MB: variants seen among roughly 807,000 people sequenced by gnomAD.
MB encodes nitrite reductase MB.
Under a neutral mutation model 14.5 loss-of-function variants are expected in MB, and 10 were observed. The observed-to-expected ratio is 0.69, with a 90% CI of 0.43 to 1.17. MB has a LOEUF of 1.17. Among genes scored for constraint, MB ranks in the 50% most tolerant of loss-of-function variants. The probability of loss-of-function intolerance (pLI) is 0.00; values close to 1 mark genes in which losing one functional copy is unlikely to be tolerated. For synonymous variants in MB, 89 were observed against 78.6 expected, an observed-to-expected ratio of 1.13 and a Z score of -0.70; for missense variants, 169 against 192.7, an observed-to-expected ratio of 0.88 and a Z score of 0.73.
chr22:35,622,662 G>T (rs1268195334), intron 1 of MB: 1 of 152,392 alleles, frequency 6.6e-6, no homozygotes, highest in Admixed American at 6.5e-5. Flanking sequence ...GGCTGGCAGG[G>T]ACACAACATC....
chr22:35,611,097 C>G lies in MB; in HGVS notation c.105G>C (p.Lys35Asn). The change falls in exon 2 of 3, where the codon AAG becomes AAC. Residue 35 changes from lysine to asparagine, a missense_variant. Coordinates refer to ENST00000397326, the MANE Select transcript of MB (RefSeq NM_005368.3). ...ACTTCTCCAGAGTCTCTGGGTGACC[C>G]TTAAAGAGCCTGTGGGCACAGGGAA... ...HGQEVLIRLFKGHPETLEKFD... is the reference protein window; with the variant it reads ...HGQEVLIRLFNGHPETLEKFD... The G allele has an allele frequency of 6.2e-7, 1 of 1,613,768 alleles. No homozygotes were observed. The highest frequency in any genetic ancestry group is 8.5e-7 in the Non-Finnish European group (1 of 1,179,816).
chr22:35,610,052 C>T (rs557108259), intron 2 of MB, among the ~76,000 whole-genome samples: 17 of 152,104 alleles, frequency 1.1e-4, no homozygotes, highest in Non-Finnish European at 2.5e-4. Context: ...TCACTGTGGC[C>T]CATCCCAGCG....
chr22:35,618,924 T>C (rs1601847863), upstream of MB, among the ~76,000 whole-genome samples: 8 of 108,424 alleles, frequency 7.4e-5, no homozygotes, highest in South Asian at 3.4e-4. Flanking sequence ...ATCTATCTGT[T>C]CCTCCATCCC....
rs1223393421 is a variant in MB at position 35,614,259 on chromosome 22, G to A, written c.95+2904C>T. On this transcript the variant is annotated intron_variant, in intron 1 of 2. Coordinates refer to ENST00000397326, the MANE Select transcript of MB (RefSeq NM_005368.3). ...GAGCGTGGGTGGCAGCCCGTCTTGC[G>A]TGTGGCAAGGTCATGGGGCAGTATA... Among the ~76,000 whole-genome samples the A allele has an allele frequency of 4.6e-5, 7 of 152,182 alleles. No homozygotes were observed. The South Asian group carries it at 8.3e-4, about 18-fold the overall frequency.
intron 1 of MB, among the ~76,000 whole-genome samples, chr22:35,614,821 C>T (rs1050284106): frequency 6.6e-6 from 1 of 152,176 alleles, no homozygotes. Context: ...TGGAGACTCT[C>T]AGGCCCAGTT....
upstream of MB, among the ~76,000 whole-genome samples, chr22:35,618,925 C>T (rs1923280635): frequency 6.6e-6 from 1 of 151,370 alleles, no homozygotes; most frequent in African/African-American, 2.4e-5. Flanking sequence ...TCTATCTGTT[C>T]CTCCATCCCT....
intron 1 of MB, among the ~76,000 whole-genome samples, chr22:35,615,187 CAG>C (rs1168649991): frequency 7.2e-5 from 11 of 152,192 alleles, no homozygotes; most frequent in Admixed American, 2.0e-4. Context: ...TTAGAAAATC[CAG>C]AGTCAGTATC....
chr22:35,610,230 C>T (rs1922499263), intron 2 of MB, among the ~76,000 whole-genome samples: 1 of 152,164 alleles, frequency 6.6e-6, no homozygotes, highest in African/African-American at 2.4e-5. Flanking sequence ...CAGGCTCCTG[C>T]CCCCAACCCT....
upstream of MB, chr22:35,617,541 G>T: frequency 2.4e-6 from 1 of 413,242 alleles, no homozygotes; most frequent in Non-Finnish European, 4.3e-6. Context: ...GCCACAGGGG[G>T]TGGGGTGGTT....
At chr22:35,612,467 A>C (rs1232502798) in intron 1 of MB, among the ~76,000 whole-genome samples, 1 of 151,986 alleles carries the variant, frequency 6.6e-6, no homozygotes, top group African/African-American at 2.4e-5. Context: ...GCAGTGGTGC[A>C]ATCTCTGCTC....
At chr22:35,619,145 C>A (rs1368762437), upstream of MB, among the ~76,000 whole-genome samples, 1 of 152,178 alleles carries the variant, frequency 6.6e-6, no homozygotes, top group East Asian at 1.9e-4. Context: ...ATAACAAAAT[C>A]AAATAAAACA....
In MB at chr22:35,613,025, G is replaced by A. The variant is rs537943281; in HGVS notation, c.96-1919C>T. Among the ~76,000 whole-genome samples the A allele has an allele frequency of 7.9e-5, 12 of 152,220 alleles. 1 individual carries two copies. The South Asian group carries it at 2.5e-3, about 32-fold the overall frequency. ...CCGCCGTGCCCAACATTGCCACCTC[G>A]CTCCAGGACCTTATCCAAATCCTCG... On this transcript the variant is annotated intron_variant, in intron 1 of 2. Coordinates refer to ENST00000397326, the MANE Select transcript of MB (RefSeq NM_005368.3).
upstream of MB, chr22:35,617,364 T>C: frequency 5.4e-6 from 4 of 746,702 alleles, no homozygotes; most frequent in South Asian, 3.2e-5. Context: ...TTTTATACCT[T>C]CTGGGATGCT....
intron 1 of MB, among the ~76,000 whole-genome samples, chr22:35,616,511 T>C (rs1181114335): frequency 6.6e-6 from 1 of 152,228 alleles, no homozygotes; most frequent in African/African-American, 2.4e-5. Context: ...GCTTCATCAG[T>C]AATAGCTACT....
At chr22:35,621,320 C>G (rs1425492771), upstream of MB, among the ~76,000 whole-genome samples, 1 of 152,160 alleles carries the variant, frequency 6.6e-6, no homozygotes, top group Non-Finnish European at 1.5e-5. Flanking sequence ...TTTCATATCA[C>G]AGGATCCTTT....
At chr22:35,613,671 A>AT (rs1426202046) in intron 1 of MB, among the ~76,000 whole-genome samples, 3 of 90,796 alleles carry the variant, frequency 3.3e-5, no homozygotes, top group East Asian at 1.4e-3. Flanking sequence ...AATTTTGTTT[A>AT]TTTTTTGTAG....
At position 35,607,303 on chromosome 22, in the gene MB, C is replaced by T. The variant is rs1922213987; in HGVS notation, c.459G>A (p.Gln153=). Residue 153 remains glutamine, a synonymous_variant, in exon 3 of 3, where the codon CAG becomes CAA. Coordinates refer to ENST00000397326, the MANE Select transcript of MB (RefSeq NM_005368.3). ...MASNYKELGF[Q]G ...GGGTGGGAGCGGCAGGGGCCTAGCC[C>T]TGGAAGCCCAGCTCCTTGTAGTTGG... is the stretch of plus-strand genomic sequence containing the variant. The T allele has an allele frequency of 1.2e-6, 2 of 1,612,790 alleles. No homozygotes were observed. Among genetic ancestry groups the T allele is most frequent in the Non-Finnish European group, 1.7e-6 (2 of 1,178,974 alleles).
At chr22:35,607,568 C>A in intron 2 of MB, 125 bp from the exon 3 acceptor site, 3 of 854,934 alleles carry the variant, frequency 3.5e-6, no homozygotes, top group South Asian at 3.5e-5. Context: ...TGCTAGGCAC[C>A]AGGTGAGAGT....
intron 1 of MB, among the ~76,000 whole-genome samples, chr22:35,611,571 T>C (rs1305557652): frequency 1.3e-5 from 2 of 152,196 alleles, no homozygotes; most frequent in East Asian, 3.9e-4. Context: ...CACTCCTACC[T>C]GTGAGGGCCA....
Sources: gnomAD v4.1 joint callset for allele counts (sites outside exome capture counted in the v4.1 genomes callset) on GRCh38, gnomAD v4.1.1 for gene constraint, MANE v1.5 for transcripts, NCBI Gene and HGNC (gene_info 2026-07-23, HGNC 2026-07-21) for gene names.